The following TMEM266 variants were observed in gnomAD, a reference collection of about 807,000 sequenced individuals.
TMEM266 encodes transmembrane protein 266, also known as Hv1 related protein 1.
In TMEM266, 33 loss-of-function variants were observed where a neutral mutation model predicts 50.5. That is an observed-to-expected ratio of 0.65 (90% CI 0.50 to 0.87). TMEM266 has a LOEUF of 0.87. Among genes scored for constraint, TMEM266 ranks in the 40% least tolerant of loss-of-function variants. The probability of loss-of-function intolerance (pLI) is 0.00; values close to 1 mark genes in which losing one functional copy is unlikely to be tolerated. For synonymous variants in TMEM266, 310 were observed against 292.3 expected, an observed-to-expected ratio of 1.06 and a Z score of -0.62; for missense variants, 655 against 695.1, an observed-to-expected ratio of 0.94 and a Z score of 0.65.
chr15:76,172,445 G>A (rs755163105), intron 7 of TMEM266, among the ~76,000 whole-genome samples: 10 of 152,134 alleles, frequency 6.6e-5, no homozygotes, highest in East Asian at 3.9e-4. Context: ...AGAATATTCC[G>A]CCAGCATTTG....
rs555267543 is a variant in TMEM266 at position 76,068,270 on chromosome 15, C to G, written c.-97+8254C>G. The stretch of plus-strand genomic sequence containing the variant: ...GATTACCTTTGGCTTGTTAATTGCC[C>G]TAGGGATGGGAAAGTGTTTACACAG... On this transcript the variant is annotated intron_variant, in intron 1 of 10. Coordinates refer to ENST00000388942, the MANE Select transcript of TMEM266 (RefSeq NM_152335.3). 5.6e-4 allele frequency among the ~76,000 whole-genome samples: 85 copies of G among 152,284 alleles called. 1 individual carries two copies. The highest frequency in any genetic ancestry group is 1.9e-3 in the African/African-American group (81 of 41,566).
intron 1 of TMEM266, among the ~76,000 whole-genome samples, chr15:76,119,290 G>T (rs1326336144): frequency 2.0e-5 from 3 of 150,694 alleles, no homozygotes; most frequent in Non-Finnish European, 4.4e-5. Context: ...TTGCCAGCTT[G>T]TAAGTCCTGG....
At chr15:76,070,744 C>T (rs865858535) in intron 1 of TMEM266, among the ~76,000 whole-genome samples, 1 of 152,186 alleles carries the variant, frequency 6.6e-6, no homozygotes, top group African/African-American at 2.4e-5. Flanking sequence ...AACTACATTG[C>T]AAGGGTAGGG....
chr15:76,081,204 C>G (rs7172445), intron 1 of TMEM266, among the ~76,000 whole-genome samples: 52,482 of 152,154 alleles, frequency 0.34, 9,935 homozygotes, highest in East Asian at 0.59. Context: ...AGGCAAGTCT[C>G]CGTGTTACTT....
chr15:76,154,088 C>CT (rs1327519394), intron 3 of TMEM266, among the ~76,000 whole-genome samples: 1 of 152,212 alleles, frequency 6.6e-6, no homozygotes, highest in Non-Finnish European at 1.5e-5. Context: ...CACAGCCGCC[C>CT]TCACCAGGCC....
intron 8 of TMEM266, chr15:76,175,898 G>T: frequency 2.2e-6 from 1 of 461,222 alleles, no homozygotes. Context: ...TCCCAGGCCA[G>T]GGTTCTTTCC....
In TMEM266 at chr15:76,132,848, TTAC is replaced by T. The variant is rs200444896; in HGVS notation, c.-96-1318_-96-1316del. ...ATTATTATTATTATTATTATTATTA[TTAC>T]TGGCCAGGCACAGTGGCTCACACCT... On this transcript the variant is annotated intron_variant, in intron 1 of 10. Coordinates refer to ENST00000388942, the MANE Select transcript of TMEM266 (RefSeq NM_152335.3). 2.3e-3 allele frequency among the ~76,000 whole-genome samples: 323 copies of T among 140,700 alleles called. 1 individual carries two copies. Among genetic ancestry groups the T allele is most frequent in the Middle Eastern group, 7.3e-3 (2 of 274 alleles). The allele number at this position is 140,700 out of a possible 152,430, so 92.3% of individuals were successfully genotyped here.
rs1157458329 is a variant in TMEM266 at position 76,153,743 on chromosome 15, G to A, written c.228-2861G>A. ...AAAGGGGAGGCAGGAATGTCACATC[G>A]TGGGAAAAGAAGCAGGGGGAGTAGG... On this transcript the variant is annotated intron_variant, in intron 3 of 10. Transcript: ENST00000388942. The surrounding 1 kb of genome is among the most constrained non-coding windows in gnomAD (Gnocchi z 4.2). Among the ~76,000 whole-genome samples the A allele has an allele frequency of 2.0e-5, 3 of 152,164 alleles. No individual in the cohort carries two copies. Among genetic ancestry groups the A allele is most frequent in the South Asian group, 2.1e-4 (1 of 4,830 alleles).
chr15:76,071,675 G>A (rs1458560664), intron 1 of TMEM266, among the ~76,000 whole-genome samples: 2 of 152,192 alleles, frequency 1.3e-5, no homozygotes, highest in Admixed American at 6.5e-5. Flanking sequence ...GCAACCAAGT[G>A]TGAAGACTTT....
In TMEM266 at chr15:76,175,339, C is replaced by G. The variant is rs1187187770; in HGVS notation, c.653-220C>G. ...CAGCCCAAAAGTATGGGTTCTAGCA[C>G]TATGGAAAACAGGAAAACAGCTACC... On this transcript the variant is annotated intron_variant, in intron 7 of 10. Coordinates refer to ENST00000388942, the MANE Select transcript of TMEM266 (RefSeq NM_152335.3). 4 of 512,796 alleles carry G rather than the reference C, an allele frequency of 7.8e-6. No individual in the cohort carries two copies. In the East Asian group the frequency reaches 1.4e-4, roughly 18 times the overall value. 31.8% of individuals were successfully genotyped at this position (512,796 alleles called of 1,614,324 possible).
intron 1 of TMEM266, among the ~76,000 whole-genome samples, chr15:76,099,888 AT>A (rs1387763608): frequency 6.6e-6 from 1 of 152,224 alleles, no homozygotes; most frequent in Non-Finnish European, 1.5e-5. Flanking sequence ...AAGCAAGCAC[AT>A]CTTACCACCA....
At chr15:76,085,258 C>G (rs1204156792) in intron 1 of TMEM266, among the ~76,000 whole-genome samples, 1 of 150,436 alleles carries the variant, frequency 6.6e-6, no homozygotes, top group Non-Finnish European at 1.5e-5. Context: ...CGCGCCCAGC[C>G]TTTCTTTTTT....
chr15:76,124,839 A>C (rs1185385141), intron 1 of TMEM266, among the ~76,000 whole-genome samples: 1 of 152,180 alleles, frequency 6.6e-6, no homozygotes, highest in African/African-American at 2.4e-5. Context: ...CAGAAAAAAA[A>C]AAATTCCTAA....
chr15:76,062,082 C>G (rs1419864313), intron 1 of TMEM266, among the ~76,000 whole-genome samples: 1 of 152,160 alleles, frequency 6.6e-6, no homozygotes, highest in Non-Finnish European at 1.5e-5. Context: ...TTAAACATTC[C>G]TAGCAGTTCT....
At chr15:76,070,698 G>A (rs2036526406) in intron 1 of TMEM266, among the ~76,000 whole-genome samples, 1 of 152,180 alleles carries the variant, frequency 6.6e-6, no homozygotes, top group East Asian at 1.9e-4. Context: ...AGGATTCAAA[G>A]TTCTTGGCTG....
chr15:76,078,889 G>A (rs1019127548), intron 1 of TMEM266, among the ~76,000 whole-genome samples: 17 of 152,214 alleles, frequency 1.1e-4, no homozygotes, highest in African/African-American at 4.1e-4. Flanking sequence ...CCCTGCATAG[G>A]CTCTGGGGGA....
intron 2 of TMEM266, among the ~76,000 whole-genome samples, chr15:76,134,573 G>T (rs750554644): frequency 2.8e-4 from 42 of 152,222 alleles, no homozygotes; most frequent in Admixed American, 3.9e-4. Context: ...TCTTAAGGGA[G>T]AATTGCTTTC....
chr15:76,188,457 G>T (rs2038520657), intron 8 of TMEM266, among the ~76,000 whole-genome samples: 1 of 152,130 alleles, frequency 6.6e-6, no homozygotes, highest in Non-Finnish European at 1.5e-5. Context: ...ACAAAAATTA[G>T]CTGGGCGTGG....
intron 8 of TMEM266, among the ~76,000 whole-genome samples, chr15:76,187,463 C>T (rs953450969): frequency 6.6e-6 from 1 of 152,250 alleles, no homozygotes; most frequent in East Asian, 1.9e-4. Context: ...GGGGCTCCCC[C>T]AGCAGAGCTT....
Sources: allele counts gnomAD v4.1 joint callset (sites outside exome capture counted in the v4.1 genomes callset), GRCh38; gene constraint gnomAD v4.1.1; non-coding constraint Gnocchi (gnomAD v3.1); transcripts MANE v1.5; gene names NCBI Gene and HGNC (gene_info 2026-07-23, HGNC 2026-07-21).